RAB29: variants seen among roughly 807,000 people sequenced by gnomAD.
RAB29 encodes RAB29, member RAS oncogene family.
A neutral mutation model predicts 25.5 loss-of-function variants in RAB29; 13 were observed. The ratio of observed to expected loss-of-function variants is 0.51; its 90% CI spans 0.33 to 0.81. The LOEUF (loss-of-function observed/expected upper bound fraction) is 0.81. Ranked by LOEUF, RAB29 falls within the 30% of genes least tolerant of loss-of-function variation. The probability of loss-of-function intolerance (pLI) is 0.02; values close to 1 mark genes in which losing one functional copy is unlikely to be tolerated. For synonymous variants in RAB29, 88 were observed against 95.0 expected, an observed-to-expected ratio of 0.93 and a Z score of 0.43; for missense variants, 201 against 254.9, an observed-to-expected ratio of 0.79 and a Z score of 1.44.
chr1:205,771,732 A>G, intron 3 of RAB29, 79 bp from the exon 4 acceptor site: 2 of 1,412,854 alleles, frequency 1.4e-6, no homozygotes, highest in Non-Finnish European at 2.0e-6. Context: ...GGCAGTAAGC[A>G]TATGTGTCAG....
chr1:205,774,964 G>A lies in RAB29; in HGVS notation c.-8C>T, dbSNP rs200281913. ...GTGGTCGCGGCTGCCCATGGCTAGC[G>A]GGGTGTGCGTTTTAGGGAGGCGGGA... On this transcript the variant is annotated 5_prime_UTR_variant, in exon 2 of 6. Transcript: ENST00000367139. 1.9e-5 allele frequency: 30 copies of A among 1,613,428 alleles called. No homozygotes were observed. The East Asian group carries it at 3.1e-4, about 17-fold the overall frequency.
chr1:205,770,701 C>T (rs1654944875), intron 5 of RAB29, 32 bp downstream of exon 5: 1 of 1,613,460 alleles, frequency 6.2e-7, no homozygotes, highest in African/African-American at 1.3e-5. Context: ...AAGATGGATA[C>T]ATCTGCATGC....
chr1:205,772,697 C>T, intron 2 of RAB29, 130 bp from the exon 3 acceptor site: 3 of 818,570 alleles, frequency 3.7e-6, no homozygotes, highest in Non-Finnish European at 6.1e-6. Flanking sequence ...AACTTTAAGC[C>T]CTCAATTCAC....
Position 205,772,504 on chromosome 1 carries a change from T to A in RAB29, c.188A>T (p.Asp63Val). 6.2e-7 allele frequency: 1 copy of A among 1,613,852 alleles called. No homozygotes were observed. Among genetic ancestry groups the A allele is most frequent in the South Asian group, 1.1e-5 (1 of 91,064 alleles). The change falls in exon 3 of 6, where the codon GAT (aspartate) becomes GTT (valine). Residue 63 changes from aspartate (D) to valine (V), a missense_variant. Asp to Val is a radical substitution (Grantham distance 152). Transcript: ENST00000367139. ...DYEIVRLQLW[D>V]IAGQERFTSM... Reference sequence around the variant, plus strand: ...TAGCCCTCCCACTTTACCTGCAATATCCCACAGCTGAAGCCGCACTATCTC... The same window carrying A: ...TAGCCCTCCCACTTTACCTGCAATAACCCACAGCTGAAGCCGCACTATCTC...
intron 3 of RAB29, 112 bp downstream of exon 3, chr1:205,772,384 C>A: frequency 1.8e-6 from 2 of 1,094,690 alleles, no homozygotes; most frequent in South Asian, 1.2e-5. Flanking sequence ...GCAGCTCAAT[C>A]ATTCCAGCTT....
intron 3 of RAB29, 23 bp downstream of exon 3, chr1:205,772,473 C>T: frequency 1.2e-6 from 2 of 1,608,086 alleles, no homozygotes; most frequent in Non-Finnish European, 1.7e-6. Flanking sequence ...TTCCCTTGTT[C>T]CTATCTAGCC....
In RAB29 at chr1:205,774,704, A is replaced by G. The variant is rs1210925910; in HGVS notation, c.124+129T>C. On this transcript the variant is annotated intron_variant, in intron 2 of 5. Transcript: ENST00000367139. ...AATTACACCATCTAGGTTCCCAGAC[A>G]GTACTTCCTGACCCGAAGAAGGACC... 9 of 963,830 alleles carry G rather than the reference A, an allele frequency of 9.3e-6. No individual in the cohort carries two copies. In the South Asian group the frequency reaches 1.1e-4, roughly 11 times the overall value. 59.7% of individuals were successfully genotyped at this position (963,830 alleles called of 1,614,324 possible).
At chr1:205,770,927 G>C in intron 4 of RAB29, 73 bp from the exon 5 acceptor site, 1 of 1,552,442 alleles carries the variant, frequency 6.4e-7, no homozygotes, top group African/African-American at 1.4e-5. Context: ...CTCAGATACT[G>C]TGGATTTTAA....
intron 3 of RAB29, 46 bp downstream of exon 3, chr1:205,772,449 TA>T (rs1655077294): frequency 6.3e-7 from 1 of 1,576,710 alleles, no homozygotes; most frequent in Non-Finnish European, 8.7e-7. Context: ...GCTTTCTAGT[TA>T]AATCAAAATT....
chr1:205,773,752 C>A (rs1422247930), intron 2 of RAB29, among the ~76,000 whole-genome samples: 1 of 152,100 alleles, frequency 6.6e-6, no homozygotes, highest in East Asian at 1.9e-4. Flanking sequence ...GCAATCCTCC[C>A]GCCTCAGCCT....
At chr1:205,773,595 A>G (rs1334762582) in intron 2 of RAB29, among the ~76,000 whole-genome samples, 1 of 152,146 alleles carries the variant, frequency 6.6e-6, no homozygotes, top group Non-Finnish European at 1.5e-5. Context: ...AACGGGGCTC[A>G]CTGAAGCCTC....
chr1:205,771,934 T>C (rs1655046540), intron 3 of RAB29, among the ~76,000 whole-genome samples: 1 of 144,270 alleles, frequency 6.9e-6, no homozygotes, highest in African/African-American at 2.5e-5. Flanking sequence ...AAAGTGAAGA[T>C]AAAAGCAGTC....
chr1:205,773,155 C>G (rs1428313078), intron 2 of RAB29, among the ~76,000 whole-genome samples: 1 of 152,218 alleles, frequency 6.6e-6, no homozygotes, highest in Admixed American at 6.5e-5. Flanking sequence ...CTGCTGGAAT[C>G]TACCACCAAG....
rs1188072054 is a variant in RAB29 at position 205,769,643 on chromosome 1, G to A, written c.*699C>T. ...GGGGTTTTGCCATGCTGACCAGGTTGGTCTCGAATTCCTGGCCTCATGTGA... is the reference window on the plus strand; with the variant it reads ...GGGGTTTTGCCATGCTGACCAGGTTAGTCTCGAATTCCTGGCCTCATGTGA... On this transcript the variant is annotated 3_prime_UTR_variant, in exon 6 of 6. Transcript: ENST00000367139. 6.6e-6 allele frequency: 1 copy of A among 152,666 alleles called. No individual in the cohort carries two copies. Among genetic ancestry groups the A allele is most frequent in the Non-Finnish European group, 1.5e-5 (1 of 68,466 alleles). The allele number at this position is 152,666 out of a possible 1,614,324, so 9.5% of individuals were successfully genotyped here.
chr1:205,771,884 G>C (rs1467740546), intron 3 of RAB29, among the ~76,000 whole-genome samples: 2 of 151,780 alleles, frequency 1.3e-5, no homozygotes, highest in Non-Finnish European at 2.9e-5. Flanking sequence ...ATTTGACTTC[G>C]GGCAAATCAA....
At position 205,770,212 on chromosome 1, in the gene RAB29, A is replaced by C; in HGVS notation, c.*130T>G. 1.3e-6 allele frequency: 1 copy of C among 759,784 alleles called. No homozygotes were observed. The highest frequency in any genetic ancestry group is 2.1e-5 in the Admixed American group (1 of 46,856). The allele number at this position is 759,784 out of a possible 1,614,324, so 47.1% of individuals were successfully genotyped here. On this transcript the variant is annotated 3_prime_UTR_variant, in exon 6 of 6. Transcript: ENST00000367139. The stretch of plus-strand genomic sequence containing the variant: ...TTCCAGGTGTCTTTTCTAAGTGACA[A>C]TGGGCCTCCTTACTGGACAGTAGTC...
intron 3 of RAB29, 34 bp from the exon 4 acceptor site, chr1:205,771,687 C>A (rs753898085): frequency 6.3e-7 from 1 of 1,588,816 alleles, no homozygotes; most frequent in Non-Finnish European, 8.6e-7. Context: ...CAAGGTGACC[C>A]AAGAGCCGGC....
At position 205,770,256 on chromosome 1, in the gene RAB29, A is replaced by G; in HGVS notation, c.*86T>C. ...AGTAGTCAGGAGACAATTCAAATGT[A>G]CTTAATAAAATTGTCAGGTGGGCAA... On this transcript the variant is annotated 3_prime_UTR_variant, in exon 6 of 6. Transcript: ENST00000367139. 1 of 1,069,100 alleles carries G rather than the reference A, an allele frequency of 9.4e-7. No individual in the cohort carries two copies. Among genetic ancestry groups the G allele is most frequent in the South Asian group, 1.3e-5 (1 of 76,920 alleles). The allele number at this position is 1,069,100 out of a possible 1,614,324, so 66.2% of individuals were successfully genotyped here.
chr1:205,772,413 C>G (rs1241352508), intron 3 of RAB29, 83 bp downstream of exon 3: 3 of 1,401,938 alleles, frequency 2.1e-6, no homozygotes, highest in Non-Finnish European at 3.0e-6. Flanking sequence ...CAATTTCTGG[C>G]TTTGCTGCCC....
Sources: allele counts gnomAD v4.1 joint callset (sites outside exome capture counted in the v4.1 genomes callset), GRCh38; gene constraint gnomAD v4.1.1; transcripts MANE v1.5; gene names NCBI Gene and HGNC (gene_info 2026-07-23, HGNC 2026-07-21).